Variants in IL1RAPL2 observed in about 807,000 individuals in gnomAD.
IL1RAPL2 encodes interleukin 1 receptor accessory protein like 2, also known as X-linked interleukin-1 receptor accessory protein-like 2.
IL1RAPL2 carries 3 observed loss-of-function variants against 44.1 expected under a neutral mutation model. That is an observed-to-expected ratio of 0.07 (90% confidence interval 0.03 to 0.18). The LOEUF (loss-of-function observed/expected upper bound fraction) is 0.18. Ranked by LOEUF, IL1RAPL2 falls within the 10% of genes least tolerant of loss-of-function variation. The pLI is 1.00. For synonymous variants in IL1RAPL2, 181 were observed against 178.8 expected (o/e 1.01, Z -0.10); for missense variants, 391 against 496.4 (o/e 0.79, Z 2.02).
At chrX:104,571,652 C>T (rs959938916) in intron 1 of IL1RAPL2, among the ~76,000 whole-genome samples, 3 of 112,206 alleles carry the variant, frequency 2.7e-5, no homozygotes, top group Non-Finnish European at 5.6e-5. Context: ...CCCAGCCATG[C>T]GGAACTGTGA....
chrX:105,756,874 A>AT (rs1168640897), intron 10 of IL1RAPL2, among the ~76,000 whole-genome samples: 3 of 110,055 alleles, frequency 2.7e-5, no homozygotes, highest in African/African-American at 9.9e-5. Context: ...TGTCCCTTGC[A>AT]TTTTTTTCAT....
intron 5 of IL1RAPL2, among the ~76,000 whole-genome samples, chrX:105,358,828 A>G (rs1466988885): frequency 8.9e-6 from 1 of 112,018 alleles, no homozygotes; most frequent in Non-Finnish European, 1.9e-5. Context: ...AAGGGAGTAA[A>G]TGGAGTAAGT....
intron 3 of IL1RAPL2, among the ~76,000 whole-genome samples, chrX:105,197,916 A>T (rs782640642): frequency 9.1e-6 from 1 of 109,396 alleles, no homozygotes; most frequent in Non-Finnish European, 1.9e-5. Flanking sequence ...CCCTCCTCCC[A>T]CTCTCCACCC....
At chrX:104,962,843 C>A (rs1170028870) in intron 2 of IL1RAPL2, among the ~76,000 whole-genome samples, 1 of 111,956 alleles carries the variant, frequency 8.9e-6, no homozygotes, top group East Asian at 2.8e-4. Context: ...CTCTGCTTCC[C>A]CTATTTGGAC....
rs71625083 is a variant in IL1RAPL2, at chrX:104,726,145, C to A, written c.82+67150C>A. Among the ~76,000 whole-genome samples, 155 of 111,423 alleles carry A rather than the reference C, an allele frequency of 1.4e-3. 1 individual carries two copies. The highest frequency in any genetic ancestry group is 4.6e-3 in the African/African-American group (143 of 30,764). ...AACACCATTTATAAAATAAGGAATC[C>A]TTTCCCCCATTTCTTGTTTTTGTCA... On this transcript the variant is annotated intron_variant, in intron 2 of 10. Transcript: ENST00000372582.
At chrX:105,499,431 T>C (rs1204573581) in intron 6 of IL1RAPL2, among the ~76,000 whole-genome samples, 3 of 110,353 alleles carry the variant, frequency 2.7e-5, no homozygotes, top group Non-Finnish European at 5.7e-5. Flanking sequence ...GCAAAGGAAA[T>C]AATCAGCAGA....
chrX:105,468,666 T>C (rs2036146879), intron 5 of IL1RAPL2, among the ~76,000 whole-genome samples: 2 of 111,729 alleles, frequency 1.8e-5, no homozygotes, highest in South Asian at 7.5e-4. Flanking sequence ...GCCAGAGGAA[T>C]ATGGCACAGT....
intron 2 of IL1RAPL2, among the ~76,000 whole-genome samples, chrX:105,046,302 C>A (rs1446680929): frequency 9.0e-6 from 1 of 111,543 alleles, no homozygotes; most frequent in Non-Finnish European, 1.9e-5. Flanking sequence ...ATAGTGTCAG[C>A]CTGACCCAGG....
chrX:105,385,670 A>G (rs955522870), intron 5 of IL1RAPL2, among the ~76,000 whole-genome samples: 4 of 111,573 alleles, frequency 3.6e-5, no homozygotes, highest in Non-Finnish European at 7.5e-5. Flanking sequence ...GAAAGTGATT[A>G]TAGCAGTGAC....
At chrX:104,670,429 G>A (rs1289601580) in intron 2 of IL1RAPL2, among the ~76,000 whole-genome samples, 1 of 111,207 alleles carries the variant, frequency 9.0e-6, no homozygotes, top group Admixed American at 9.5e-5. Context: ...CCCATACTGA[G>A]GGTGGATCTG....
At chrX:105,057,053 A>G (rs189268119) in intron 2 of IL1RAPL2, among the ~76,000 whole-genome samples, 229 of 111,717 alleles carry the variant, frequency 2.0e-3, no homozygotes, top group African/African-American at 6.2e-3. Context: ...ATGCAGTCCT[A>G]TGTGCTAGAC....
At chrX:105,631,429 T>C (rs2037491331) in intron 6 of IL1RAPL2, among the ~76,000 whole-genome samples, 1 of 112,203 alleles carries the variant, frequency 8.9e-6, no homozygotes, top group African/African-American at 3.2e-5. Context: ...CTGGTCCTTC[T>C]TCATAGAAAA....
At chrX:105,020,611 C>T in intron 2 of IL1RAPL2, among the ~76,000 whole-genome samples, 1 of 111,951 alleles carries the variant, frequency 8.9e-6, no homozygotes, top group Non-Finnish European at 1.9e-5. Context: ...TAGTGCCTGG[C>T]ATGTATGTAG....
chrX:105,643,137 G>A (rs1371139533), intron 6 of IL1RAPL2, among the ~76,000 whole-genome samples: 1 of 111,933 alleles, frequency 8.9e-6, no homozygotes, highest in Non-Finnish European at 1.9e-5. Flanking sequence ...GGCATAACTG[G>A]TGTGGGCCCT....
rs762069943 is a variant in IL1RAPL2, at chrX:105,144,094, GGTGTGTGTGTGTGT to G, written c.83-51346_83-51333del. ...AGTCAGAGTCTCCTTTCAACAGATG[GGTGTGTGTGTGTGT>G]GTGTGTGTGTGTGTGTGTGTGTGTG... On this transcript the variant is annotated intron_variant, in intron 2 of 10. Transcript: ENST00000372582. Among the ~76,000 whole-genome samples, 28 of 79,562 alleles carry G rather than the reference GGTGTGTGTGTGTGT, an allele frequency of 3.5e-4. No individual in the cohort carries two copies. The Middle Eastern group carries it at 0.028, about 80-fold the overall frequency. The allele number at this position is 79,562 out of a possible 115,157, so 69.1% of individuals were successfully genotyped here.
chrX:105,028,042 C>A (rs2031405984), intron 2 of IL1RAPL2, among the ~76,000 whole-genome samples: 1 of 111,496 alleles, frequency 9.0e-6, no homozygotes, highest in Non-Finnish European at 1.9e-5. Context: ...ATGGATGGAA[C>A]TGGAGGACAT....
chrX:104,650,898 C>A (rs904154286), intron 1 of IL1RAPL2, among the ~76,000 whole-genome samples: 1 of 111,598 alleles, frequency 9.0e-6, no homozygotes, highest in African/African-American at 3.3e-5. Flanking sequence ...CATTCAAATC[C>A]TTTTTCCATA....
chrX:104,839,295 A>T (rs1921837279), intron 2 of IL1RAPL2, among the ~76,000 whole-genome samples: 1 of 111,523 alleles, frequency 9.0e-6, no homozygotes, highest in Non-Finnish European at 1.9e-5. Flanking sequence ...AGGGATTTGA[A>T]TTTGAATGGA....
chrX:105,032,716 G>T (rs955458544), intron 2 of IL1RAPL2, among the ~76,000 whole-genome samples: 2 of 111,440 alleles, frequency 1.8e-5, no homozygotes, highest in African/African-American at 6.5e-5. Context: ...ATTTGGGGTG[G>T]AGAGTTCTGT....
Sources: allele counts gnomAD v4.1 joint callset (sites outside exome capture counted in the v4.1 genomes callset), GRCh38; gene constraint gnomAD v4.1.1; transcripts MANE v1.5; gene names NCBI Gene and HGNC (gene_info 2026-07-23, HGNC 2026-07-21).